The following PMS2 variants were observed in gnomAD, a reference collection of about 807,000 sequenced individuals.
PMS2 encodes the protein PMS1 homolog 2, mismatch repair system component, also known as mismatch repair endonuclease PMS2.
A neutral mutation model predicts 90.0 loss-of-function variants in PMS2; 69 were observed. The observed-to-expected ratio is 0.77, with a 90% CI of 0.63 to 0.94. PMS2 has a LOEUF of 0.94. PMS2 is among the 40% of genes least tolerant of loss of function. The probability of loss-of-function intolerance (pLI) is 0.00; values close to 1 mark genes in which losing one functional copy is unlikely to be tolerated. For synonymous variants in PMS2, 332 were observed against 375.1 expected, an observed-to-expected ratio of 0.89 and a Z score of 1.33; for missense variants, 966 against 1,040.2, an observed-to-expected ratio of 0.93 and a Z score of 0.98.
Position 5,986,982 on chromosome 7 carries a change from C to G in PMS2, c.1783G>C (p.Val595Leu), listed in dbSNP as rs1171070752. 1 of 1,614,148 alleles carries G rather than the reference C, an allele frequency of 6.2e-7. No individual in the cohort carries two copies. The highest frequency in any genetic ancestry group is 8.5e-7 in the Non-Finnish European group (1 of 1,180,010). Residue 595 changes from valine (V) to leucine (L), a missense_variant, in exon 11 of 15, where the codon GTA becomes CTA. This residue lies in a region of PMS2 where 871 missense variants were observed against 802.4 expected (regional missense o/e 1.09). Transcript: ENST00000265849. ...GAGGCTGACATGTCCTGAGTATTTACTAACTTTTGACAAATGTCAGAACTG... is the reference window on the plus strand; with the variant it reads ...GAGGCTGACATGTCCTGAGTATTTAGTAACTTTTGACAAATGTCAGAACTG... ...LSSSDICQKL[V>L]NTQDMSASQV...
At chr7:5,997,556 G>GT in intron 6 of PMS2, 133 bp from the exon 7 acceptor site, 1 of 661,012 alleles carries the variant, frequency 1.5e-6, no homozygotes, top group Middle Eastern at 3.6e-4. Flanking sequence ...GTTTTGTTTT[G>GT]TTTTTTGAGA....
chr7:6,003,540 T>G, intron 4 of PMS2, 150 bp downstream of exon 4: 1 of 638,756 alleles, frequency 1.6e-6, no homozygotes, highest in Non-Finnish European at 2.8e-6. Flanking sequence ...TCAGAAGTAC[T>G]ATGACTTAGA....
rs780866508 is a variant in PMS2, at chr7:5,977,618, C to T, written c.2415G>A (p.Gln805=). 6.3e-7 allele frequency: 1 copy of T among 1,589,328 alleles called. No individual in the cohort carries two copies. Among genetic ancestry groups the T allele is most frequent in the Non-Finnish European group, 8.6e-7 (1 of 1,160,834 alleles). The change falls in exon 14 of 15, where the codon CAG becomes CAA. Residue 805 remains glutamine, a synonymous_variant. Transcript: ENST00000265849. The part of the protein sequence containing the change: ...GVMCRPSRVK[Q]MFASRACRKS... ...TCCGGCAGGCTCTGGAGGCAAACATCTGCTTGACTCGGGAAGGCCGGCACA... is the reference window on the plus strand; with the variant it reads ...TCCGGCAGGCTCTGGAGGCAAACATTTGCTTGACTCGGGAAGGCCGGCACA...
intron 10 of PMS2, 69 bp downstream of exon 10, chr7:5,989,731 C>G (rs2128746298): frequency 8.0e-7 from 1 of 1,253,580 alleles, no homozygotes; most frequent in Non-Finnish European, 1.1e-6. Context: ...AAAAAGTTTA[C>G]TTGGAAAAAA....
intron 12 of PMS2, among the ~76,000 whole-genome samples, chr7:5,980,959 G>A (rs1481641648): frequency 6.6e-6 from 1 of 151,562 alleles, no homozygotes; most frequent in East Asian, 1.9e-4. Flanking sequence ...ACACAGGAGA[G>A]TACTCAGCAA....
At chr7:5,996,590 AAT>A (rs1554301106) in intron 7 of PMS2, among the ~76,000 whole-genome samples, 7 of 110,196 alleles carry the variant, frequency 6.4e-5, no homozygotes, top group Admixed American at 9.6e-5. Context: ...AAAAAAAAAA[AAT>A]ATATATATAT....
chr7:5,989,057 G>A (rs535171095), intron 10 of PMS2, among the ~76,000 whole-genome samples: 73 of 152,138 alleles, frequency 4.8e-4, no homozygotes, highest in African/African-American at 1.3e-3. Context: ...GAGTTTCACC[G>A]TGTTAGATAG....
rs60794673 is a variant in PMS2 at position 5,997,426 on chromosome 7, GAAA to G, written c.706-6_706-4del. 3.9e-3 allele frequency: 4,252 copies of G among 1,092,160 alleles called. No homozygotes were observed. The highest frequency in any genetic ancestry group is 4.8e-3 in the East Asian group (182 of 37,822). 67.7% of individuals were successfully genotyped at this position (1,092,160 alleles called of 1,614,324 possible). ...ACAAAAGGAATGAGGCTTTGCAACT[GAAA>G]AAAAAAAAAAAAAATTCACAGTTAC... On this transcript the variant is annotated splice_region_variant and splice_polypyrimidine_tract_variant and intron_variant, in intron 6 of 14. Coordinates refer to ENST00000265849, the MANE Select transcript of PMS2 (RefSeq NM_000535.7).
chr7:5,984,273 C>T (rs1782621920), intron 11 of PMS2, among the ~76,000 whole-genome samples: 1 of 151,822 alleles, frequency 6.6e-6, no homozygotes, highest in South Asian at 2.1e-4. Context: ...CCACTGGGTC[C>T]TTTGCGGGTG....
In PMS2 at chr7:5,997,437, A is replaced by G; in HGVS notation, c.706-14T>C. The G allele has an allele frequency of 1.3e-6, 2 of 1,488,918 alleles. No individual in the cohort carries two copies. Among genetic ancestry groups the G allele is most frequent in the East Asian group, 2.3e-5 (1 of 44,278 alleles). The allele number at this position is 1,488,918 out of a possible 1,614,324, so 92.2% of individuals were successfully genotyped here. ...GAGGCTTTGCAACTGAAAAAAAAAA[A>G]AAAAAATTCACAGTTACTTCCTAAT... On this transcript the variant is annotated splice_polypyrimidine_tract_variant and intron_variant, in intron 6 of 14. Coordinates refer to ENST00000265849, the MANE Select transcript of PMS2 (RefSeq NM_000535.7).
intron 5 of PMS2, 97 bp from the exon 6 acceptor site, chr7:5,999,372 A>G: frequency 9.6e-7 from 1 of 1,044,856 alleles, no homozygotes; most frequent in South Asian, 1.3e-5. Flanking sequence ...TTCTCACATC[A>G]TCGCACAAAT....
In PMS2 at chr7:5,989,821, GCTGA is replaced by G. The variant is rs757679199; in HGVS notation, c.1119_1122del (p.Gln374SerfsTer10). The G allele has an allele frequency of 1.2e-6, 2 of 1,612,904 alleles. No homozygotes were observed. Among genetic ancestry groups the G allele is most frequent in the Non-Finnish European group, 1.7e-6 (2 of 1,179,120 alleles). ...TTACCTTCAACATCCAGCAGTGGCT[GCTGA>G]CTGACATTTAGCTTGTTGACATCAC... is the stretch of plus-strand genomic sequence containing the variant. On this transcript the variant is annotated frameshift_variant, in exon 10 of 15. Coordinates refer to ENST00000265849, the MANE Select transcript of PMS2 (RefSeq NM_000535.7). LOFTEE classifies it high-confidence loss of function.
At chr7:5,983,557 A>G (rs1430118134) in intron 11 of PMS2, among the ~76,000 whole-genome samples, 1 of 151,906 alleles carries the variant, frequency 6.6e-6, no homozygotes, top group Non-Finnish European at 1.5e-5. Context: ...TTTAAAAAAC[A>G]AAAATGGAAT....
intron 12 of PMS2, 123 bp from the exon 13 acceptor site, chr7:5,978,819 C>T: frequency 1.7e-6 from 2 of 1,199,840 alleles, no homozygotes; most frequent in Non-Finnish European, 2.4e-6. Flanking sequence ...ACACAAATAA[C>T]AACACTACTC....
At chr7:5,993,632 G>A (rs543529930) in intron 8 of PMS2, among the ~76,000 whole-genome samples, 1 of 151,672 alleles carries the variant, frequency 6.6e-6, no homozygotes, top group South Asian at 2.1e-4. Flanking sequence ...GGAGACAGAG[G>A]CGGGTGGATC....
chr7:5,977,585 T>A lies in PMS2; in HGVS notation c.2445+3A>T, dbSNP rs765667554. 3 of 1,537,666 alleles carry A rather than the reference T, an allele frequency of 2.0e-6. No homozygotes were observed. The African/African-American group carries it at 4.1e-5, about 21-fold the overall frequency. On this transcript the variant is annotated splice_donor_region_variant and intron_variant, in intron 14 of 14. Transcript: ENST00000265849. ...AGCTGACAGCCAGGCTTTCTTTACT[T>A]ACCGACTTCCGGCAGGCTCTGGAGG...
rs1786240884 is a variant in PMS2, at chr7:6,008,972, C to A, written c.23+25G>T. 6.2e-7 allele frequency: 1 copy of A among 1,612,488 alleles called. No homozygotes were observed. The highest frequency in any genetic ancestry group is 8.5e-7 in the Non-Finnish European group (1 of 1,179,680). On this transcript the variant is annotated intron_variant, in intron 1 of 14. Transcript: ENST00000265849. ...CAAAGAGGGCGCGCGAGAGGGGACA[C>A]CGGAAGACTGCGAGCCCCGCTCACC... is the stretch of plus-strand genomic sequence containing the variant.
intron 5 of PMS2, among the ~76,000 whole-genome samples, chr7:6,000,574 G>A (rs1016769381): frequency 2.0e-5 from 3 of 152,020 alleles, no homozygotes; most frequent in Non-Finnish European, 4.4e-5. Flanking sequence ...AGTTATCTCT[G>A]ACAAATAGAA....
chr7:6,003,630 A>G (rs1224861789), intron 4 of PMS2, 60 bp downstream of exon 4: 1 of 875,104 alleles, frequency 1.1e-6, no homozygotes, highest in South Asian at 1.3e-5. Flanking sequence ...AATGATTCCA[A>G]TTAATTTTCA....
Sources: allele counts gnomAD v4.1 joint callset (sites outside exome capture counted in the v4.1 genomes callset), GRCh38; gene constraint gnomAD v4.1.1; regional missense constraint gnomAD v4.1.1; transcripts MANE v1.5; gene names NCBI Gene and HGNC (gene_info 2026-07-23, HGNC 2026-07-21).